Variants in CSMD1 observed in about 807,000 individuals in gnomAD.
CSMD1 encodes the protein CUB and Sushi multiple domains 1, also known as CUB and sushi domain-containing protein 1.
A neutral mutation model predicts 417.5 loss-of-function variants in CSMD1; 213 were observed. The ratio of observed to expected loss-of-function variants is 0.51; its 90% confidence interval spans 0.46 to 0.57. The LOEUF (loss-of-function observed/expected upper bound fraction) is 0.57, where lower values mean the gene tolerates loss of function less well. CSMD1 is among the 20% of genes least tolerant of loss of function. CSMD1 has a pLI of 0.00. For synonymous variants in CSMD1, 2,862 were observed against 1,736.8 expected (o/e 1.65, Z -16.11); for missense variants, 6,923 against 4,529.7 (o/e 1.53, Z -15.17).
intron 10 of CSMD1, chr8:3,515,180 T>C (rs1488805914): frequency 1.3e-5 from 2 of 152,232 alleles, no homozygotes; most frequent in African/African-American, 4.8e-5. Flanking sequence ...TCCTACTCTC[T>C]ATGAAATTTT....
chr8:4,751,707 C>T (rs1297670600), intron 1 of CSMD1, among the ~76,000 whole-genome samples: 2 of 152,084 alleles, frequency 1.3e-5, no homozygotes, highest in East Asian at 1.9e-4. Flanking sequence ...GAAACACAGA[C>T]CAATTTTATT....
intron 1 of CSMD1, among the ~76,000 whole-genome samples, chr8:4,681,708 C>T (rs556022424): frequency 6.6e-6 from 1 of 151,994 alleles, no homozygotes; most frequent in Non-Finnish European, 1.5e-5. Context: ...GACTTTAAGG[C>T]AGAATTAACA....
At chr8:4,540,940 T>C (rs187192046) in intron 2 of CSMD1, among the ~76,000 whole-genome samples, 1 of 152,320 alleles carries the variant, frequency 6.6e-6, no homozygotes, top group East Asian at 1.9e-4. Context: ...TGAACAGCTA[T>C]GATTCTTGCA....
intron 11 of CSMD1, among the ~76,000 whole-genome samples, chr8:3,470,081 A>C (rs1257018054): frequency 2.0e-5 from 3 of 152,180 alleles, no homozygotes; most frequent in Non-Finnish European, 2.9e-5. Flanking sequence ...ATCAACACTT[A>C]GACAATTACC....
At chr8:4,957,308 T>A (rs986544014) in intron 1 of CSMD1, among the ~76,000 whole-genome samples, 2 of 152,138 alleles carry the variant, frequency 1.3e-5, no homozygotes, top group Admixed American at 6.6e-5. Flanking sequence ...GCCCCTAATA[T>A]TTTTTTAAAC....
At chr8:3,764,939 T>G (rs180789263) in intron 5 of CSMD1, among the ~76,000 whole-genome samples, 1 of 151,640 alleles carries the variant, frequency 6.6e-6, no homozygotes, top group Non-Finnish European at 1.5e-5. Context: ...AGAGACAGGG[T>G]TTCACATGTT....
chr8:3,403,811 A>C (rs1315840183), intron 15 of CSMD1, among the ~76,000 whole-genome samples: 2 of 152,218 alleles, frequency 1.3e-5, no homozygotes, highest in African/African-American at 2.4e-5. Context: ...CCACATGTGT[A>C]TATATTTACT....
At chr8:4,432,689 GTC>G (rs1797935233) in intron 2 of CSMD1, among the ~76,000 whole-genome samples, 1 of 152,146 alleles carries the variant, frequency 6.6e-6, no homozygotes, top group Admixed American at 6.6e-5. Context: ...AAACCCTGGC[GTC>G]TCTCTCCAGA....
chr8:3,272,979 G>T (rs1801981185), intron 26 of CSMD1, among the ~76,000 whole-genome samples: 1 of 150,738 alleles, frequency 6.6e-6, no homozygotes, highest in Non-Finnish European at 1.5e-5. Flanking sequence ...TTGAATAGGA[G>T]TGGTGAGAGA....
intron 50 of CSMD1, among the ~76,000 whole-genome samples, chr8:3,040,001 G>A (rs142619770): frequency 1.3e-5 from 2 of 152,166 alleles, no homozygotes; most frequent in East Asian, 3.9e-4. Flanking sequence ...TGAGAATCCA[G>A]AAAGTGACTC....
At chr8:3,520,438 TAAAAC>T (rs767672124) in intron 10 of CSMD1, among the ~76,000 whole-genome samples, 1 of 152,186 alleles carries the variant, frequency 6.6e-6, no homozygotes, top group Non-Finnish European at 1.5e-5. Flanking sequence ...ATCTTAAAAA[TAAAAC>T]AATCTTAAAA....
intron 25 of CSMD1, among the ~76,000 whole-genome samples, chr8:3,304,524 A>G (rs972345097): frequency 5.9e-5 from 9 of 152,164 alleles, no homozygotes; most frequent in African/African-American, 7.2e-5. Context: ...TTGATTGTCA[A>G]TTGAGGAAAT....
intron 10 of CSMD1, among the ~76,000 whole-genome samples, chr8:3,504,479 G>C (rs920680866): frequency 3.3e-5 from 5 of 152,148 alleles, no homozygotes; most frequent in African/African-American, 7.2e-5. Flanking sequence ...TTGATCAATG[G>C]CAGTTGTGTT....
chr8:4,261,887 A>T (rs985178719), intron 3 of CSMD1, among the ~76,000 whole-genome samples: 5 of 152,244 alleles, frequency 3.3e-5, no homozygotes, highest in African/African-American at 1.2e-4. Context: ...TGTGTTAAAA[A>T]GTAGATGTGG....
intron 2 of CSMD1, among the ~76,000 whole-genome samples, chr8:4,596,812 A>T (rs182433379): frequency 6.6e-6 from 1 of 152,208 alleles, no homozygotes; most frequent in Non-Finnish European, 1.5e-5. Context: ...CAGAATACCC[A>T]CATATTGTGG....
chr8:4,687,298 G>C (rs1193547004), intron 1 of CSMD1, among the ~76,000 whole-genome samples: 1 of 152,200 alleles, frequency 6.6e-6, no homozygotes, highest in Admixed American at 6.5e-5. Flanking sequence ...TGAGGACAGA[G>C]GATGATGTGT....
intron 5 of CSMD1, among the ~76,000 whole-genome samples, chr8:3,913,575 T>C (rs1400501272): frequency 6.6e-6 from 1 of 152,076 alleles, no homozygotes; most frequent in East Asian, 1.9e-4. Context: ...ATACGGTCAG[T>C]GAGTTCCAGT....
chr8:3,108,064 G>A (rs1050773970), intron 44 of CSMD1, among the ~76,000 whole-genome samples: 1 of 152,142 alleles, frequency 6.6e-6, no homozygotes, highest in Non-Finnish European at 1.5e-5. Flanking sequence ...CTTTACAGAT[G>A]TTTGGAATTC....
At chr8:4,002,099 C>T (rs1815726884) in intron 4 of CSMD1, among the ~76,000 whole-genome samples, 1 of 152,070 alleles carries the variant, frequency 6.6e-6, no homozygotes, top group Non-Finnish European at 1.5e-5. Context: ...GAATATTACA[C>T]ATATAAGACA....
Sources: allele counts gnomAD v4.1 joint callset (sites outside exome capture counted in the v4.1 genomes callset), GRCh38; gene constraint gnomAD v4.1.1; transcripts MANE v1.5; gene names NCBI Gene and HGNC (gene_info 2026-07-23, HGNC 2026-07-21).